RNASEH1: variants seen among roughly 807,000 people sequenced by gnomAD.
The protein encoded by RNASEH1 is ribonuclease H1, also known as ribonuclease H type II.
A neutral mutation model predicts 34.6 loss-of-function variants in RNASEH1; 27 were observed. The ratio of observed to expected loss-of-function variants is 0.78; its 90% CI spans 0.58 to 1.08. The LOEUF (loss-of-function observed/expected upper bound fraction) is 1.08. Among genes scored for constraint, RNASEH1 ranks in the 50% least tolerant of loss-of-function variants. The pLI is 0.00. For missense variants in RNASEH1, 349 were observed against 373.6 expected (o/e 0.93, Z 0.54); for synonymous variants, 162 against 138.4 (o/e 1.17, Z -1.20).
intron 4 of RNASEH1, among the ~76,000 whole-genome samples, chr2:3,549,440 A>G (rs1669075499): frequency 6.6e-6 from 1 of 152,222 alleles, no homozygotes; most frequent in Non-Finnish European, 1.5e-5. Context: ...GATTGAAACT[A>G]CTAAAAACCT....
intron 2 of RNASEH1, among the ~76,000 whole-genome samples, chr2:3,553,373 G>T (rs564037878): frequency 1.4e-3 from 219 of 152,050 alleles, no homozygotes; most frequent in Middle Eastern, 3.4e-3. Flanking sequence ...TTCTTCAGGG[G>T]GACCTCAAGG....
In RNASEH1 at chr2:3,541,797, C is replaced by T. The variant is rs1429017056; in HGVS notation, c.*3988G>A. ...GCGACAGCTTCACAGGCAAATGCAT[C>T]GGTCACTTCACGTATGTGCAGTTCA... On this transcript the variant is annotated 3_prime_UTR_variant, in exon 8 of 8. Coordinates refer to ENST00000315212, the MANE Select transcript of RNASEH1 (RefSeq NM_002936.6). 1.3e-5 allele frequency among the ~76,000 whole-genome samples: 2 copies of T among 152,168 alleles called. No homozygotes were observed. Among genetic ancestry groups the T allele is most frequent in the East Asian group, 1.9e-4 (1 of 5,186 alleles).
At position 3,545,281 on chromosome 2, in the gene RNASEH1, C is replaced by T. The variant is rs1237109937; in HGVS notation, c.*504G>A. On this transcript the variant is annotated 3_prime_UTR_variant, in exon 8 of 8. Transcript: ENST00000315212. ...AGGCACATGGGGCTGAGACCCAGCA[C>T]ACATCCTGCCCACTGAGCTGTCCGC... 6.1e-6 allele frequency: 1 copy of T among 163,096 alleles called. No individual in the cohort carries two copies. The highest frequency in any genetic ancestry group is 1.4e-5 in the Non-Finnish European group (1 of 73,888). 10.1% of individuals were successfully genotyped at this position (163,096 alleles called of 1,614,324 possible). A position where few individuals can be genotyped will look rare whatever the true frequency, so the allele number is the denominator to read the frequency against.
In RNASEH1 at chr2:3,548,999, T is replaced by C. The variant is rs1669026431; in HGVS notation, c.564+59A>G. On this transcript the variant is annotated intron_variant, in intron 5 of 7. Transcript: ENST00000315212. ...GTAGAAAAAAAAAGAATTAGTTTATTTGATAATTTCATACTCAATGCTCAA... is the reference window on the plus strand; with the variant it reads ...GTAGAAAAAAAAAGAATTAGTTTATCTGATAATTTCATACTCAATGCTCAA... The C allele has an allele frequency of 6.9e-6, 9 of 1,303,446 alleles. No individual in the cohort carries two copies. In the South Asian group the frequency reaches 8.7e-5, roughly 13 times the overall value. 80.7% of individuals were successfully genotyped at this position (1,303,446 alleles called of 1,614,324 possible). A position where few individuals can be genotyped will look rare whatever the true frequency, so the allele number is the denominator to read the frequency against.
chr2:3,558,080 C>T, intron 1 of RNASEH1, 53 bp downstream of exon 1: 1 of 1,535,902 alleles, frequency 6.5e-7, no homozygotes, highest in South Asian at 1.2e-5. Flanking sequence ...GGGCTCCGGC[C>T]TCCCTCGACC....
Position 3,558,227 on chromosome 2 carries a change from C to T in RNASEH1, c.34G>A (p.Ala12Thr). Residue 12 changes from alanine to threonine, a missense_variant, in exon 1 of 8, where the codon GCC (alanine) becomes ACC (threonine). Transcript: ENST00000315212. ...SWLLFLAHRV[A>T]LAALPCRRGS... is the part of the protein sequence containing the mutation. ...CGGCGGCAGGGCAAGGCGGCCAAGG[C>T]GACTCTGTGGGCCAGGAACAGAAGC... The T allele has an allele frequency of 1.3e-6, 2 of 1,598,798 alleles. No individual in the cohort carries two copies. Among genetic ancestry groups the T allele is most frequent in the Non-Finnish European group, 1.7e-6 (2 of 1,174,828 alleles).
intron 2 of RNASEH1, among the ~76,000 whole-genome samples, chr2:3,555,218 A>G (rs1170318249): frequency 6.6e-6 from 1 of 152,044 alleles, no homozygotes; most frequent in Non-Finnish European, 1.5e-5. Flanking sequence ...TTCCCTTAAC[A>G]TAAAAGAAGT....
At chr2:3,546,969 A>G (rs576626237) in intron 7 of RNASEH1, among the ~76,000 whole-genome samples, 1 of 152,294 alleles carries the variant, frequency 6.6e-6, no homozygotes, top group East Asian at 1.9e-4. Context: ...CTAAAAATAC[A>G]AAAATTAGCC....
chr2:3,541,444 AGCTTTATTT>A lies in RNASEH1; in HGVS notation c.*4332_*4340del, dbSNP rs1272583085. On this transcript the variant is annotated 3_prime_UTR_variant, in exon 8 of 8. Coordinates refer to ENST00000315212, the MANE Select transcript of RNASEH1 (RefSeq NM_002936.6). The stretch of plus-strand genomic sequence containing the variant: ...AGACGAGGATATAAATGTTCACGGC[AGCTTTATTT>A]GCTTTATTTTTATTTAGAAATTGGA... Among the ~76,000 whole-genome samples the A allele has an allele frequency of 4.6e-5, 7 of 152,246 alleles. No homozygotes were observed. Among genetic ancestry groups the A allele is most frequent in the Non-Finnish European group, 7.3e-5 (5 of 68,038 alleles).
chr2:3,550,614 T>C (rs1659772146), intron 3 of RNASEH1, 142 bp from the exon 4 acceptor site: 3 of 668,956 alleles, frequency 4.5e-6, no homozygotes, highest in Admixed American at 2.3e-5. Flanking sequence ...TAGGAAAACA[T>C]GCTCCATTCC....
intron 2 of RNASEH1, among the ~76,000 whole-genome samples, chr2:3,555,718 A>G (rs934768710): frequency 2.6e-5 from 4 of 152,114 alleles, no homozygotes; most frequent in Non-Finnish European, 4.4e-5. Context: ...TCACCTCCTC[A>G]GTGTAGATCC....
At chr2:3,548,170 T>C in intron 6 of RNASEH1, 115 bp from the exon 7 acceptor site, 1 of 1,270,322 alleles carries the variant, frequency 7.9e-7, no homozygotes, top group Non-Finnish European at 1.1e-6. Context: ...CATCCTTGAC[T>C]CTTCACTTCC....
At chr2:3,556,585 T>G (rs1660522174) in intron 2 of RNASEH1, among the ~76,000 whole-genome samples, 1 of 152,234 alleles carries the variant, frequency 6.6e-6, no homozygotes, top group Non-Finnish European at 1.5e-5. Context: ...ACAGGAGAGC[T>G]GAGTCCTGGC....
At chr2:3,548,143 C>G in intron 6 of RNASEH1, 88 bp from the exon 7 acceptor site, 2 of 1,485,424 alleles carry the variant, frequency 1.3e-6, no homozygotes, top group South Asian at 2.4e-5. Flanking sequence ...ATTGATCCCA[C>G]TTGTATTCTG....
chr2:3,556,468 G>A (rs1021638367), intron 2 of RNASEH1, among the ~76,000 whole-genome samples: 27 of 151,872 alleles, frequency 1.8e-4, no homozygotes, highest in Non-Finnish European at 5.9e-5. Flanking sequence ...ACCATGCCCA[G>A]CTAATTTTTG....
chr2:3,556,173 GA>G (rs550651586), intron 2 of RNASEH1, among the ~76,000 whole-genome samples: 103 of 142,374 alleles, frequency 7.2e-4, no homozygotes, highest in African/African-American at 1.6e-3. Flanking sequence ...CTGTCTCAAG[GA>G]AAAAAAAAAA....
At chr2:3,550,618 C>G in intron 3 of RNASEH1, 146 bp from the exon 4 acceptor site, 2 of 655,314 alleles carry the variant, frequency 3.1e-6, no homozygotes, top group Non-Finnish European at 5.5e-6. Context: ...AAAACATGCT[C>G]CATTCCTTAC....
In RNASEH1 at chr2:3,544,741, T is replaced by C. The variant is rs1209385334; in HGVS notation, c.*1044A>G. On this transcript the variant is annotated 3_prime_UTR_variant, in exon 8 of 8. Transcript: ENST00000315212. Reference sequence around the variant, plus strand: ...CTGTATGTTTTTATAATAAAAAGGTTTAAAACTAAATAAATAATCATGTCA... The same window carrying C: ...CTGTATGTTTTTATAATAAAAAGGTCTAAAACTAAATAAATAATCATGTCA... 1 of 152,202 alleles carries C rather than the reference T, an allele frequency of 6.6e-6. No homozygotes were observed. The highest frequency in any genetic ancestry group is 6.6e-5 in the Admixed American group (1 of 15,266). 9.4% of individuals were successfully genotyped at this position (152,202 alleles called of 1,614,324 possible). A position where few individuals can be genotyped will look rare whatever the true frequency, so the allele number is the denominator to read the frequency against.
chr2:3,551,315 A>C (rs1659882903), intron 3 of RNASEH1, among the ~76,000 whole-genome samples: 1 of 152,158 alleles, frequency 6.6e-6, no homozygotes, highest in Non-Finnish European at 1.5e-5. Context: ...CATGACTACA[A>C]GCTTCCCACC....
Sources: allele counts gnomAD v4.1 joint callset (sites outside exome capture counted in the v4.1 genomes callset), GRCh38; gene constraint gnomAD v4.1.1; transcripts MANE v1.5; gene names NCBI Gene and HGNC (gene_info 2026-07-23, HGNC 2026-07-21).